IL17RD: variants seen among roughly 807,000 people sequenced by gnomAD.
IL17RD encodes the protein interleukin-17 receptor D.
In IL17RD, 52 loss-of-function variants were observed where a neutral mutation model predicts 80.5. The observed-to-expected ratio is 0.65, with a 90% CI of 0.52 to 0.81. The LOEUF (loss-of-function observed/expected upper bound fraction) is 0.81, where lower values mean the gene tolerates loss of function less well. IL17RD is among the 40% of genes least tolerant of loss of function. The pLI, the probability that IL17RD is intolerant of heterozygous loss-of-function variation, is 0.00. For missense variants in IL17RD, 1,024 were observed against 955.1 expected, an observed-to-expected ratio of 1.07 and a Z score of -0.95; for synonymous variants, 416 against 391.8, an observed-to-expected ratio of 1.06 and a Z score of -0.73.
At chr3:57,158,023 T>TTAA (rs1387078255) in intron 1 of IL17RD, among the ~76,000 whole-genome samples, 1 of 152,216 alleles carries the variant, frequency 6.6e-6, no homozygotes, top group Non-Finnish European at 1.5e-5. Flanking sequence ...AAAGTTGTAT[T>TTAA]TAAGGCCTAA....
At chr3:57,137,631 G>C (rs1707754356) in intron 1 of IL17RD, among the ~76,000 whole-genome samples, 1 of 152,170 alleles carries the variant, frequency 6.6e-6, no homozygotes, top group Non-Finnish European at 1.5e-5. Context: ...TTTCAAGATG[G>C]AAATTGATTC....
Position 57,097,739 on chromosome 3 carries a change from G to A in IL17RD, c.1964C>T (p.Pro655Leu), listed in dbSNP as rs1706715899. The A allele has an allele frequency of 2.5e-6, 4 of 1,602,670 alleles. No individual in the cohort carries two copies. The highest frequency in any genetic ancestry group is 4.5e-5 in the East Asian group (2 of 44,672). The change falls in exon 12 of 13, where the codon CCC becomes CTC. Residue 655 changes from proline (P) to leucine (L), a missense_variant. Pro to Leu is a moderately conservative substitution (Grantham distance 98, BLOSUM62 -3). Transcript: ENST00000296318. ...GCCTGAGTCCCGCGGCATGTCCGAG[G>A]GGCTGCCGGCTTTCACCGTGTGCAG... ...PLLHTVKAGSPSDMPRDSGIY... is the reference protein window; with the variant it reads ...PLLHTVKAGSLSDMPRDSGIY...
At position 57,101,192 on chromosome 3, in the gene IL17RD, A is replaced by G. The variant is rs1706818688; in HGVS notation, c.1151T>C (p.Phe384Ser). Residue 384 changes from phenylalanine (F) to serine (S), a missense_variant, in exon 11 of 13, where the codon TTC becomes TCC. By Grantham distance (155) the Phe-to-Ser change is radical. Coordinates refer to ENST00000296318, the MANE Select transcript of IL17RD (RefSeq NM_017563.5). ...TAGATTCCGCACCTCACAGCCACAG[A>G]AGTCCTGGAGGAAGTAGGCGAAACA... ...VQCFAYFLQD[F>S]CGCEVALDLW... is the part of the protein sequence containing the mutation. The G allele has an allele frequency of 1.2e-6, 2 of 1,613,410 alleles. No homozygotes were observed. The highest frequency in any genetic ancestry group is 3.3e-5 in the Admixed American group (2 of 59,970).
At chr3:57,154,736 G>A (rs979420455) in intron 1 of IL17RD, among the ~76,000 whole-genome samples, 3 of 152,084 alleles carry the variant, frequency 2.0e-5, no homozygotes, top group Non-Finnish European at 4.4e-5. Flanking sequence ...GCAGTCTTCC[G>A]CCAGCACAAC....
rs138346257 is a variant in IL17RD, at chr3:57,149,930, G to C, written c.126+15231C>G. ...TACACAGTACAATTGACAGTTTTTG[G>C]TGTATGGGTCCACAAGTTATATGCA... is the stretch of plus-strand genomic sequence containing the variant. On this transcript the variant is annotated intron_variant, in intron 1 of 12. Coordinates refer to ENST00000296318, the MANE Select transcript of IL17RD (RefSeq NM_017563.5). Among the ~76,000 whole-genome samples the C allele has an allele frequency of 8.8e-3, 1,340 of 152,230 alleles. 22 individuals are homozygous for C. The highest frequency in any genetic ancestry group is 0.031 in the African/African-American group (1,276 of 41,532).
At chr3:57,162,487 T>G (rs1257097592) in intron 1 of IL17RD, among the ~76,000 whole-genome samples, 1 of 152,216 alleles carries the variant, frequency 6.6e-6, no homozygotes, top group Non-Finnish European at 1.5e-5. Flanking sequence ...CTCTAGTCAC[T>G]GTGTACCAGT....
At chr3:57,147,034 A>C (rs2107531963) in intron 1 of IL17RD, among the ~76,000 whole-genome samples, 1 of 145,126 alleles carries the variant, frequency 6.9e-6, no homozygotes, top group Non-Finnish European at 1.5e-5. Flanking sequence ...ACAGGGTTTC[A>C]CCACATTGGC....
In IL17RD at chr3:57,127,213, T is replaced by A. The variant is rs1381345697; in HGVS notation, c.127-6900A>T. 3.5e-5 allele frequency among the ~76,000 whole-genome samples: 4 copies of A among 115,390 alleles called. 1 individual carries two copies. Among genetic ancestry groups the A allele is most frequent in the African/African-American group, 1.2e-4 (3 of 24,598 alleles). 75.7% of individuals were successfully genotyped at this position (115,390 alleles called of 152,430 possible). A position where few individuals can be genotyped will look rare whatever the true frequency, so the allele number is the denominator to read the frequency against. On this transcript the variant is annotated intron_variant, in intron 1 of 12. Transcript: ENST00000296318. ...ATATATATATAAATATATATAAAAA[T>A]ATATATAAATATATATAAAAATATA...
intron 3 of IL17RD, among the ~76,000 whole-genome samples, chr3:57,111,012 G>A (rs778719329): frequency 1.1e-4 from 16 of 152,142 alleles, no homozygotes; most frequent in Non-Finnish European, 2.2e-4. Flanking sequence ...CCCACTGCAC[G>A]TCCGACTAGA....
intron 1 of IL17RD, among the ~76,000 whole-genome samples, chr3:57,138,752 A>G (rs1196845735): frequency 6.6e-6 from 1 of 151,966 alleles, no homozygotes; most frequent in Non-Finnish European, 1.5e-5. Context: ...CCTGACCAAC[A>G]TGAAGAAACC....
In IL17RD at chr3:57,093,077, G is replaced by A. The variant is rs896567682; in HGVS notation, c.*3316C>T. The A allele has an allele frequency of 1.8e-4, 27 of 152,284 alleles. 1 individual carries two copies. Among genetic ancestry groups the A allele is most frequent in the Admixed American group, 1.4e-3 (22 of 15,292 alleles). The allele number at this position is 152,284 out of a possible 1,614,324, so 9.4% of individuals were successfully genotyped here. A position where few individuals can be genotyped will look rare whatever the true frequency, so the allele number is the denominator to read the frequency against. The stretch of plus-strand genomic sequence containing the variant: ...TCGACTGGAAAATTACCCACTGTGG[G>A]TGGAACAGGGGCGCTTCAGTTTGCC... On this transcript the variant is annotated 3_prime_UTR_variant, in exon 13 of 13. Transcript: ENST00000296318.
intron 4 of IL17RD, 48 bp from the exon 5 acceptor site, chr3:57,109,705 C>A: frequency 6.3e-7 from 1 of 1,587,636 alleles, no homozygotes; most frequent in Non-Finnish European, 8.6e-7. Context: ...ATTACCCACC[C>A]CTCCACCTTC....
chr3:57,152,251 G>A (rs932300403), intron 1 of IL17RD, among the ~76,000 whole-genome samples: 2 of 152,152 alleles, frequency 1.3e-5, no homozygotes, highest in Admixed American at 6.5e-5. Flanking sequence ...CAGCCCAGGA[G>A]CTCCGGCCCG....
At chr3:57,101,410 G>T in intron 10 of IL17RD, 47 bp from the exon 11 acceptor site, 1 of 1,283,626 alleles carries the variant, frequency 7.8e-7, no homozygotes, top group Non-Finnish European at 1.1e-6. Context: ...GCAACGCTTT[G>T]TTCTATTTCC....
chr3:57,114,473 A>G (rs1233648286), intron 3 of IL17RD, among the ~76,000 whole-genome samples: 2 of 152,230 alleles, frequency 1.3e-5, no homozygotes, highest in Non-Finnish European at 2.9e-5. Context: ...GCCCATGTGA[A>G]TAACAATAAC....
In IL17RD at chr3:57,165,291, G is replaced by A. The variant is rs1376211465; in HGVS notation, c.-5C>T. The stretch of plus-strand genomic sequence containing the variant: ...GAGCTGCAGCCACGGGGCCATGGCC[G>A]TGCGCTCGCCCAGCCAGGCCGTTCT... On this transcript the variant is annotated 5_prime_UTR_variant, in exon 1 of 13. The change creates a new upstream start codon in the 5' untranslated region. Coordinates refer to ENST00000296318, the MANE Select transcript of IL17RD (RefSeq NM_017563.5). 5 of 1,457,876 alleles carry A rather than the reference G, an allele frequency of 3.4e-6. No homozygotes were observed. Among genetic ancestry groups the A allele is most frequent in the Admixed American group, 2.5e-5 (1 of 39,930 alleles). 90.3% of individuals were successfully genotyped at this position (1,457,876 alleles called of 1,614,324 possible). A position where few individuals can be genotyped will look rare whatever the true frequency, so the allele number is the denominator to read the frequency against.
chr3:57,134,766 TA>T (rs1032833369), intron 1 of IL17RD: 28 of 474,726 alleles, frequency 5.9e-5, no homozygotes, highest in African/African-American at 4.8e-4. Context: ...AGCGATTACG[TA>T]GATCAACCAC....
intron 3 of IL17RD, 28 bp from the exon 4 acceptor site, chr3:57,110,339 T>C (rs1198480819): frequency 1.9e-6 from 3 of 1,559,396 alleles, no homozygotes; most frequent in African/African-American, 1.4e-5. Flanking sequence ...CTTTTATTAA[T>C]AGTGAACCTA....
At chr3:57,102,078 TAGTG>T in intron 10 of IL17RD, among the ~76,000 whole-genome samples, 1 of 152,092 alleles carries the variant, frequency 6.6e-6, no homozygotes. Flanking sequence ...CTAGGCAACA[TAGTG>T]AGACCCCATG....
Sources: gnomAD v4.1 joint callset for allele counts (sites outside exome capture counted in the v4.1 genomes callset) on GRCh38, gnomAD v4.1.1 for gene constraint, MANE v1.5 for transcripts, NCBI Gene and HGNC (gene_info 2026-07-23, HGNC 2026-07-21) for gene names.